TRAK2: variants seen among roughly 807,000 people sequenced by gnomAD.
The protein encoded by TRAK2 is trafficking kinesin-binding protein 2.
In TRAK2, 81 loss-of-function variants were observed where a neutral mutation model predicts 104.6. That is an observed-to-expected ratio of 0.77 (90% CI 0.65 to 0.93). The LOEUF is 0.93. Among genes scored for constraint, TRAK2 ranks in the 40% least tolerant of loss-of-function variants. The pLI, the probability that TRAK2 is intolerant of heterozygous loss-of-function variation, is 0.00. For synonymous variants in TRAK2, 406 were observed against 394.4 expected, an observed-to-expected ratio of 1.03 and a Z score of -0.35; for missense variants, 1,002 against 1,089.0, an observed-to-expected ratio of 0.92 and a Z score of 1.12.
At chr2:201,386,174 T>A (rs768121085) in intron 14 of TRAK2, 44 bp downstream of exon 14, 1 of 1,606,522 alleles carries the variant, frequency 6.2e-7, no homozygotes, top group Non-Finnish European at 8.5e-7. Flanking sequence ...GAATGCAAAG[T>A]ACTTCTGGTT....
At position 201,394,952 on chromosome 2, in the gene TRAK2, G is replaced by T. The variant is rs560611000; in HGVS notation, c.901-80C>A. The T allele has an allele frequency of 3.2e-5, 40 of 1,237,574 alleles. 1 individual carries two copies. In the South Asian group the frequency reaches 5.4e-4, roughly 17 times the overall value. The allele number at this position is 1,237,574 out of a possible 1,614,324, so 76.7% of individuals were successfully genotyped here. A position where few individuals can be genotyped will look rare whatever the true frequency, so the allele number is the denominator to read the frequency against. On this transcript the variant is annotated intron_variant, in intron 8 of 15. Coordinates refer to ENST00000332624, the MANE Select transcript of TRAK2 (RefSeq NM_015049.3). ...TCTCTTTCTTATAAAGACATGTGAA[G>T]AATTTCTCTCTGGGGTATCATCTTA...
chr2:201,441,918 T>G (rs1314631319), intron 1 of TRAK2, among the ~76,000 whole-genome samples: 2 of 151,266 alleles, frequency 1.3e-5, no homozygotes, highest in Non-Finnish European at 2.9e-5. Context: ...GGTCTCGAAC[T>G]CCTGACCTCG....
At chr2:201,446,715 C>T (rs770273411) in intron 1 of TRAK2, among the ~76,000 whole-genome samples, 1 of 152,122 alleles carries the variant, frequency 6.6e-6, no homozygotes, top group African/African-American at 2.4e-5. Flanking sequence ...AGTATGTTTA[C>T]GTTTAAAATG....
chr2:201,403,777 A>G (rs1951569692), intron 3 of TRAK2, among the ~76,000 whole-genome samples: 1 of 151,542 alleles, frequency 6.6e-6, no homozygotes, highest in Non-Finnish European at 1.5e-5. Flanking sequence ...AAAACCCAGG[A>G]ACCTTTGTTA....
chr2:201,430,218 A>G (rs1951829798), intron 1 of TRAK2, among the ~76,000 whole-genome samples: 3 of 152,184 alleles, frequency 2.0e-5, no homozygotes, highest in African/African-American at 7.2e-5. Flanking sequence ...ACCCGGCTGT[A>G]TGAGGTGTCA....
intron 2 of TRAK2, chr2:201,410,514 G>A (rs771427769): frequency 5.3e-5 from 50 of 946,850 alleles, no homozygotes; most frequent in Non-Finnish European, 8.0e-5. Context: ...CCCATGATTG[G>A]AACTGAAATA....
At chr2:201,399,838 A>C (rs1951534741) in intron 4 of TRAK2, among the ~76,000 whole-genome samples, 1 of 152,074 alleles carries the variant, frequency 6.6e-6, no homozygotes, top group African/African-American at 2.4e-5. Flanking sequence ...AAAAATGAGG[A>C]TAGGGTCTGT....
At position 201,398,257 on chromosome 2, in the gene TRAK2, G is replaced by C; in HGVS notation, c.578C>G (p.Thr193Arg). The C allele has an allele frequency of 6.2e-7, 1 of 1,613,788 alleles. No individual in the cohort carries two copies. Among genetic ancestry groups the C allele is most frequent in the Non-Finnish European group, 8.5e-7 (1 of 1,179,754 alleles). ...EESETDSSCS[T>R]PLRFNESFSL... ...AAAGGACTCATTGAACCGAAGAGGT[G>C]TAGAACAGCTGGAATCAGTTTCACT... The change falls in exon 6 of 16, where the codon ACA (threonine) becomes AGA (arginine). Residue 193 changes from threonine to arginine, a missense_variant. Transcript: ENST00000332624.
rs1382939893 is a variant in TRAK2 at position 201,380,805 on chromosome 2, C to T, written c.2483G>A (p.Gly828Asp). ...GTCCACTAAGTTCATCTTCAACTGGCCAACATCAGGAGGGTTCCGGGAGGG... is the reference window on the plus strand; with the variant it reads ...GTCCACTAAGTTCATCTTCAACTGGTCAACATCAGGAGGGTTCCGGGAGGG... ...LRPSRNPPDV[G>D]QLKMNLVDRL... The change falls in exon 16 of 16, where the codon GGC (glycine) becomes GAC (aspartate). Residue 828 changes from glycine (G) to aspartate (D), a missense_variant. Gly to Asp is a moderately conservative substitution (Grantham distance 94). Transcript: ENST00000332624. 2 of 1,613,960 alleles carry T rather than the reference C, an allele frequency of 1.2e-6. No homozygotes were observed. The highest frequency in any genetic ancestry group is 1.3e-5 in the African/African-American group (1 of 74,916).
intron 1 of TRAK2, among the ~76,000 whole-genome samples, chr2:201,426,029 A>G (rs1178912233): frequency 6.6e-6 from 1 of 152,190 alleles, no homozygotes; most frequent in Non-Finnish European, 1.5e-5. Context: ...AAAATTTTAT[A>G]TGTTTCGCCT....
At chr2:201,437,259 G>A (rs57749403) in intron 1 of TRAK2, among the ~76,000 whole-genome samples, 9,438 of 152,126 alleles carry the variant, frequency 0.062, 656 homozygotes, top group East Asian at 0.26. Context: ...GGAAATTTGA[G>A]AACTCTCTTC....
At chr2:201,442,591 C>A (rs1049100228) in intron 1 of TRAK2, among the ~76,000 whole-genome samples, 1 of 152,150 alleles carries the variant, frequency 6.6e-6, no homozygotes, top group Non-Finnish European at 1.5e-5. Flanking sequence ...CAACTGTGGG[C>A]CTCACTCCAC....
At chr2:201,418,366 G>C (rs185498688) in intron 2 of TRAK2, among the ~76,000 whole-genome samples, 42 of 152,198 alleles carry the variant, frequency 2.8e-4, no homozygotes, top group Admixed American at 6.5e-4. Flanking sequence ...TGTAGAGATG[G>C]GGTCTCATTA....
intron 1 of TRAK2, among the ~76,000 whole-genome samples, chr2:201,435,441 T>A (rs576426825): frequency 1.6e-3 from 247 of 152,336 alleles, no homozygotes; most frequent in Non-Finnish European, 2.7e-3. Context: ...CAATATCTTC[T>A]CTCTGCCATT....
At chr2:201,432,345 C>G (rs542314186) in intron 1 of TRAK2, among the ~76,000 whole-genome samples, 1 of 152,152 alleles carries the variant, frequency 6.6e-6, no homozygotes, top group African/African-American at 2.4e-5. Flanking sequence ...TCTGTGCACA[C>G]GTATTCTGTG....
chr2:201,409,252 A>C (rs753643073), intron 2 of TRAK2, among the ~76,000 whole-genome samples: 23 of 151,796 alleles, frequency 1.5e-4, no homozygotes, highest in Non-Finnish European at 2.9e-4. Context: ...CGCCTTGCAC[A>C]CTGTGGAGGC....
chr2:201,438,525 C>G (rs1358363221), intron 1 of TRAK2, among the ~76,000 whole-genome samples: 5 of 152,184 alleles, frequency 3.3e-5, no homozygotes, highest in African/African-American at 1.2e-4. Context: ...CTTGTCCATA[C>G]TAAGAGCCAG....
At chr2:201,400,394 AT>A (rs1449710371) in intron 4 of TRAK2, among the ~76,000 whole-genome samples, 2 of 152,062 alleles carry the variant, frequency 1.3e-5, no homozygotes, top group Admixed American at 1.3e-4. Context: ...AAATGGAGGG[AT>A]TATCTCCACA....
intron 2 of TRAK2, chr2:201,412,569 A>G (rs1302831397): frequency 3.7e-6 from 5 of 1,351,790 alleles, no homozygotes; most frequent in Non-Finnish European, 5.3e-6. Flanking sequence ...AAGAATATAT[A>G]TCACTGACTG....
Sources: allele counts gnomAD v4.1 joint callset (sites outside exome capture counted in the v4.1 genomes callset), GRCh38; gene constraint gnomAD v4.1.1; transcripts MANE v1.5; gene names NCBI Gene and HGNC (gene_info 2026-07-23, HGNC 2026-07-21).